MGAT4C: variants seen among roughly 807,000 people sequenced by gnomAD.
MGAT4C encodes the protein alpha-1,3-mannosyl-glycoprotein 4-beta-N-acetylglucosaminyltransferase C.
A neutral mutation model predicts 40.1 loss-of-function variants in MGAT4C; 19 were observed. The observed-to-expected ratio is 0.47, with a 90% CI of 0.33 to 0.70. MGAT4C has a LOEUF of 0.70. Among genes scored for constraint, MGAT4C ranks in the 30% least tolerant of loss-of-function variants. The probability of loss-of-function intolerance (pLI) is 0.02; values close to 1 mark genes in which losing one functional copy is unlikely to be tolerated. For missense variants in MGAT4C, 491 were observed against 563.2 expected (o/e 0.87, Z 1.30); for synonymous variants, 181 against 187.1 (o/e 0.97, Z 0.27).
At chr12:86,653,100 G>A (rs1432032499) in intron 2 of MGAT4C, among the ~76,000 whole-genome samples, 1 of 151,800 alleles carries the variant, frequency 6.6e-6, no homozygotes, top group Non-Finnish European at 1.5e-5. Flanking sequence ...GGAGTATGCT[G>A]TAGAATTATT....
At chr12:86,551,132 A>G (rs974423164) in intron 2 of MGAT4C, among the ~76,000 whole-genome samples, 1 of 151,980 alleles carries the variant, frequency 6.6e-6, no homozygotes, top group East Asian at 1.9e-4. Flanking sequence ...AAATAGCCCT[A>G]GGGACTGCCT....
chr12:86,335,214 T>C (rs1954756463), intron 3 of MGAT4C, among the ~76,000 whole-genome samples: 1 of 152,102 alleles, frequency 6.6e-6, no homozygotes. Context: ...GGTTTCTTTC[T>C]GACTCTAGGC....
chr12:86,598,246 G>C (rs994768131), intron 2 of MGAT4C, among the ~76,000 whole-genome samples: 1 of 151,852 alleles, frequency 6.6e-6, no homozygotes, highest in Non-Finnish European at 1.5e-5. Flanking sequence ...AACTCATTTA[G>C]TAGTGATTCA....
intron 2 of MGAT4C, among the ~76,000 whole-genome samples, chr12:86,458,793 T>C (rs563175959): frequency 2.2e-4 from 34 of 152,314 alleles, no homozygotes; most frequent in African/African-American, 7.2e-4. Context: ...AAGATATTTA[T>C]ATGAACATTT....
chr12:86,339,692 CTGAT>C (rs964442702), intron 3 of MGAT4C, among the ~76,000 whole-genome samples: 1 of 151,286 alleles, frequency 6.6e-6, no homozygotes, highest in African/African-American at 2.4e-5. Flanking sequence ...CTTAGCCTCT[CTGAT>C]TAATATTCTA....
chr12:86,136,462 A>G (rs553112699), intron 1 of MGAT4C, among the ~76,000 whole-genome samples: 1 of 152,242 alleles, frequency 6.6e-6, no homozygotes, highest in East Asian at 1.9e-4. Context: ...GTGGTTAGGA[A>G]GGGCATCTAT....
chr12:86,800,531 A>C (rs1292531609), intron 1 of MGAT4C, among the ~76,000 whole-genome samples: 1 of 151,944 alleles, frequency 6.6e-6, no homozygotes, highest in Non-Finnish European at 1.5e-5. Context: ...TACCAGGATC[A>C]GTGGATATAG....
intron 2 of MGAT4C, among the ~76,000 whole-genome samples, chr12:86,694,491 C>T (rs993687484): frequency 6.6e-6 from 1 of 151,976 alleles, no homozygotes; most frequent in African/African-American, 2.4e-5. Flanking sequence ...TTTCTTGTAA[C>T]AATTGCAGAA....
intron 2 of MGAT4C, among the ~76,000 whole-genome samples, chr12:86,674,274 T>C (rs939729949): frequency 3.3e-5 from 5 of 152,224 alleles, no homozygotes; most frequent in African/African-American, 1.2e-4. Context: ...ACATGGCTTA[T>C]GATTTTCAAA....
intron 2 of MGAT4C, among the ~76,000 whole-genome samples, chr12:86,549,974 C>G (rs560351025): frequency 6.6e-6 from 1 of 152,214 alleles, no homozygotes; most frequent in East Asian, 1.9e-4. Context: ...CCCACATGTC[C>G]AGGGAGGAAC....
chr12:86,652,308 G>T (rs530922105), intron 2 of MGAT4C, among the ~76,000 whole-genome samples: 105 of 151,960 alleles, frequency 6.9e-4, no homozygotes, highest in African/African-American at 2.3e-3. Flanking sequence ...GACACCTAAA[G>T]TCCAGCTAAA....
At chr12:86,826,182 C>T (rs1952803280) in intron 1 of MGAT4C, among the ~76,000 whole-genome samples, 2 of 151,384 alleles carry the variant, frequency 1.3e-5, no homozygotes, top group Admixed American at 1.3e-4. Context: ...ACTGTTTTGC[C>T]CTGCCTAATT....
chr12:86,692,649 T>C (rs923511852), intron 2 of MGAT4C, among the ~76,000 whole-genome samples: 3 of 152,188 alleles, frequency 2.0e-5, no homozygotes, highest in Non-Finnish European at 1.5e-5. Flanking sequence ...CCATTCTACA[T>C]ACCAAGATTT....
intron 3 of MGAT4C, among the ~76,000 whole-genome samples, chr12:85,984,376 TTG>T (rs546269888): frequency 1.0e-4 from 15 of 149,706 alleles, no homozygotes; most frequent in African/African-American, 1.2e-4. Context: ...ATAGTTAAGT[TTG>T]TGTGTGTGTG....
chr12:86,796,203 C>T (rs1952115068), intron 1 of MGAT4C, among the ~76,000 whole-genome samples: 1 of 151,116 alleles, frequency 6.6e-6, no homozygotes, highest in African/African-American at 2.4e-5. Flanking sequence ...CACTATATTA[C>T]TTCTGCACGT....
chr12:86,098,372 T>C (rs1874327269), intron 1 of MGAT4C, among the ~76,000 whole-genome samples: 1 of 151,672 alleles, frequency 6.6e-6, no homozygotes, highest in African/African-American at 2.4e-5. Context: ...GGCCACATAC[T>C]ATGAGAAAAG....
chr12:86,660,081 C>G (rs1454100566), intron 2 of MGAT4C, among the ~76,000 whole-genome samples: 1 of 151,960 alleles, frequency 6.6e-6, no homozygotes, highest in Non-Finnish European at 1.5e-5. Context: ...TTTACTTTAA[C>G]AGATCAGACA....
chr12:86,316,633 A>G (rs918689928), intron 4 of MGAT4C, among the ~76,000 whole-genome samples: 23 of 152,168 alleles, frequency 1.5e-4, no homozygotes, highest in Non-Finnish European at 2.8e-4. Context: ...AAACAAAAAA[A>G]CAAGTTATAA....
chr12:86,422,422 T>C (rs1310794727), intron 3 of MGAT4C, among the ~76,000 whole-genome samples: 2 of 152,198 alleles, frequency 1.3e-5, no homozygotes, highest in Non-Finnish European at 1.5e-5. Context: ...AACATCAGTA[T>C]CACTGAAACA....
Sources: allele counts gnomAD v4.1 joint callset (sites outside exome capture counted in the v4.1 genomes callset), GRCh38; gene constraint gnomAD v4.1.1; transcripts MANE v1.5; gene names NCBI Gene and HGNC (gene_info 2026-07-23, HGNC 2026-07-21).